The following AFF1 variants were observed in gnomAD, a reference collection of about 807,000 sequenced individuals.
The protein encoded by AFF1 is AF4/FMR2 family member 1.
AFF1 carries 48 observed loss-of-function variants against 121.7 expected under a neutral mutation model. The observed-to-expected ratio is 0.39, with a 90% CI of 0.31 to 0.50. The LOEUF (loss-of-function observed/expected upper bound fraction) is 0.50. Among genes scored for constraint, AFF1 ranks in the 20% least tolerant of loss-of-function variants. The pLI is 0.76. For missense variants in AFF1, 1,523 were observed against 1,511.7 expected, an observed-to-expected ratio of 1.01 and a Z score of -0.12; for synonymous variants, 613 against 563.0, an observed-to-expected ratio of 1.09 and a Z score of -1.26.
chr4:86,960,494 C>T (rs1006169965), intron 2 of AFF1, among the ~76,000 whole-genome samples: 1 of 152,092 alleles, frequency 6.6e-6, no homozygotes, highest in African/African-American at 2.4e-5. Context: ...TAAGTAAATT[C>T]TTAGCTCTTT....
intron 4 of AFF1, among the ~76,000 whole-genome samples, chr4:87,050,781 C>G (rs1032097790): frequency 6.7e-6 from 1 of 148,480 alleles, no homozygotes; most frequent in Non-Finnish European, 1.5e-5. Flanking sequence ...CCCAGAACTC[C>G]GCGATCTCAC....
intron 1 of AFF1, among the ~76,000 whole-genome samples, chr4:86,947,273 A>G (rs544142384): frequency 3.3e-5 from 5 of 152,314 alleles, no homozygotes; most frequent in Admixed American, 6.5e-5. Flanking sequence ...TTTAACATCC[A>G]TGCTGCAATC....
At chr4:87,122,554 A>G (rs1390008821) in intron 12 of AFF1, among the ~76,000 whole-genome samples, 2 of 151,998 alleles carry the variant, frequency 1.3e-5, no homozygotes, top group African/African-American at 4.8e-5. Flanking sequence ...TTCCTATTGC[A>G]TTTCATTTGT....
At chr4:86,994,113 G>A (rs1233865730) in intron 2 of AFF1, among the ~76,000 whole-genome samples, 1 of 152,212 alleles carries the variant, frequency 6.6e-6, no homozygotes, top group African/African-American at 2.4e-5. Context: ...CTAAAACACA[G>A]GTTCTAACTC....
At chr4:86,937,743 G>C (rs532876369) in intron 1 of AFF1, among the ~76,000 whole-genome samples, 2 of 139,490 alleles carry the variant, frequency 1.4e-5, no homozygotes, top group African/African-American at 2.6e-5. Flanking sequence ...CACCATGCCC[G>C]GCTAATTTAA....
At chr4:87,019,633 G>C (rs768738823) in intron 2 of AFF1, among the ~76,000 whole-genome samples, 1 of 152,232 alleles carries the variant, frequency 6.6e-6, no homozygotes, top group Non-Finnish European at 1.5e-5. Flanking sequence ...GCATGTGGAG[G>C]TTTAGGGAGA....
intron 2 of AFF1, among the ~76,000 whole-genome samples, chr4:86,988,069 C>T (rs1433573089): frequency 7.5e-6 from 1 of 133,088 alleles, no homozygotes; most frequent in Non-Finnish European, 1.6e-5. Context: ...ATTGTACATA[C>T]TTATGGAGTT....
At chr4:86,952,040 CTGT>C (rs1174958184) in intron 2 of AFF1, among the ~76,000 whole-genome samples, 1 of 151,164 alleles carries the variant, frequency 6.6e-6, no homozygotes. Context: ...AGTCTTGGGT[CTGT>C]TGTTGGGCTG....
Position 87,031,572 on chromosome 4 carries a change from G to T in AFF1, c.39-14594G>T, listed in dbSNP as rs182270250. 8.8e-3 allele frequency among the ~76,000 whole-genome samples: 1,331 copies of T among 151,808 alleles called. 24 individuals carry two copies. The highest frequency in any genetic ancestry group is 0.031 in the African/African-American group (1,281 of 41,364). On this transcript the variant is annotated intron_variant, in intron 2 of 20. Transcript: ENST00000395146. Reference sequence around the variant, plus strand: ...TTTACTGGAAATCAGGGGCTTTTCTGTTCTCATTCTGTGAGGCTTACAACC... The same window carrying T: ...TTTACTGGAAATCAGGGGCTTTTCTTTTCTCATTCTGTGAGGCTTACAACC...
intron 2 of AFF1, chr4:86,949,696 C>T: frequency 1.3e-6 from 2 of 1,577,314 alleles, no homozygotes; most frequent in Admixed American, 1.8e-5. Context: ...TGGGCATGCG[C>T]AGGGGCGGGT....
chr4:86,988,052 TATA>T (rs1375605837), intron 2 of AFF1, among the ~76,000 whole-genome samples: 1 of 151,040 alleles, frequency 6.6e-6, no homozygotes, highest in African/African-American at 2.4e-5. Flanking sequence ...GTTTTTGATA[TATA>T]ATAATTGTAC....
chr4:87,007,283 T>C (rs1214047309), intron 2 of AFF1: 5 of 1,560,116 alleles, frequency 3.2e-6, no homozygotes, highest in Non-Finnish European at 4.3e-6. Flanking sequence ...TCCCGTAACA[T>C]CGGGGCGCCG....
At chr4:87,020,796 G>T in intron 2 of AFF1, 1 of 985,318 alleles carries the variant, frequency 1.0e-6, no homozygotes, top group Non-Finnish European at 1.2e-6. Context: ...CCATGTTTTT[G>T]ATGCACAGGT....
chr4:87,091,701 C>A, intron 6 of AFF1, 92 bp from the exon 7 acceptor site: 2 of 842,262 alleles, frequency 2.4e-6, no homozygotes, highest in Non-Finnish European at 3.7e-6. Context: ...TTTCATAAGA[C>A]TATCCTTTTA....
intron 8 of AFF1, among the ~76,000 whole-genome samples, chr4:87,101,117 A>C (rs571995745): frequency 3.3e-5 from 5 of 152,214 alleles, no homozygotes; most frequent in East Asian, 3.9e-4. Context: ...GAGATTTCCT[A>C]TTATATGTTG....
At chr4:86,999,369 A>T (rs374221399) in intron 2 of AFF1, among the ~76,000 whole-genome samples, 9 of 152,174 alleles carry the variant, frequency 5.9e-5, no homozygotes, top group African/African-American at 2.2e-4. Context: ...AGGAGATACT[A>T]TCTTCTTCCT....
chr4:87,056,176 T>C (rs1720120525), intron 4 of AFF1, among the ~76,000 whole-genome samples: 1 of 152,202 alleles, frequency 6.6e-6, no homozygotes, highest in Non-Finnish European at 1.5e-5. Context: ...GTTTAATGTT[T>C]TAATCTAGAG....
chr4:87,090,040 T>C lies in AFF1; in HGVS notation c.1161T>C (p.Ala387=), dbSNP rs1724141666. 3 of 1,613,724 alleles carry C rather than the reference T, an allele frequency of 1.9e-6. No homozygotes were observed. The highest frequency in any genetic ancestry group is 3.3e-5 in the Admixed American group (2 of 59,990). Residue 387 remains alanine (A), a synonymous_variant, in exon 6 of 21, where the codon GCT becomes GCC. Transcript: ENST00000395146. ...PLTAIHTPST[A]EPSKFPFPTK... ...CAGCAATACATACGCCTAGTACAGC[T>C]GAGCCATCCAAGTTTCCTTTCCCTA...
intron 2 of AFF1, among the ~76,000 whole-genome samples, chr4:86,987,230 C>T (rs1724356913): frequency 6.6e-6 from 1 of 151,988 alleles, no homozygotes; most frequent in Non-Finnish European, 1.5e-5. Flanking sequence ...AATAGCCACT[C>T]CCTCATGATT....
Sources: gnomAD v4.1 joint callset for allele counts (sites outside exome capture counted in the v4.1 genomes callset) on GRCh38, gnomAD v4.1.1 for gene constraint, MANE v1.5 for transcripts, NCBI Gene and HGNC (gene_info 2026-07-23, HGNC 2026-07-21) for gene names.